Variants in L3MBTL4 observed in about 807,000 individuals in gnomAD.
The protein encoded by L3MBTL4 is lethal(3)malignant brain tumor-like protein 4.
In L3MBTL4, 70 loss-of-function variants were observed where a neutral mutation model predicts 84.5. The ratio of observed to expected loss-of-function variants is 0.83; its 90% CI spans 0.68 to 1.01. L3MBTL4 has a LOEUF of 1.01. Ranked by LOEUF, L3MBTL4 falls within the 50% of genes least tolerant of loss-of-function variation. The pLI is 0.00. For missense variants in L3MBTL4, 715 were observed against 754.8 expected (o/e 0.95, Z 0.62); for synonymous variants, 274 against 259.8 (o/e 1.05, Z -0.52).
At chr18:5,986,176 C>T (rs1213511900) in intron 16 of L3MBTL4, among the ~76,000 whole-genome samples, 1 of 152,196 alleles carries the variant, frequency 6.6e-6, no homozygotes, top group East Asian at 1.9e-4. Flanking sequence ...AGTCTCCTAA[C>T]AAGTGAGCAT....
chr18:6,330,429 G>A (rs343256), intron 1 of L3MBTL4, among the ~76,000 whole-genome samples: 7,289 of 152,234 alleles, frequency 0.048, 201 homozygotes, highest in East Asian at 0.11. Context: ...TCCTTGGCTC[G>A]TGACCCCTTC....
At chr18:5,979,265 C>T (rs190908733) in intron 16 of L3MBTL4, among the ~76,000 whole-genome samples, 51 of 152,274 alleles carry the variant, frequency 3.3e-4, no homozygotes, top group African/African-American at 1.2e-3. Flanking sequence ...TCAACTTGAA[C>T]AGAGAGACCC....
chr18:6,127,877 CCAGCAG>C (rs1269742704), intron 14 of L3MBTL4, among the ~76,000 whole-genome samples: 2 of 152,070 alleles, frequency 1.3e-5, no homozygotes, highest in African/African-American at 4.8e-5. Flanking sequence ...TTGATGGGCT[CCAGCAG>C]TGCACACAAA....
chr18:6,301,685 G>T (rs1166964208), intron 4 of L3MBTL4, among the ~76,000 whole-genome samples: 2 of 152,170 alleles, frequency 1.3e-5, no homozygotes, highest in African/African-American at 4.8e-5. Context: ...GCAAATAAAT[G>T]AGATAACAAG....
intron 16 of L3MBTL4, among the ~76,000 whole-genome samples, chr18:6,009,636 A>G (rs79468163): frequency 0.012 from 1,842 of 152,300 alleles, 32 homozygotes; most frequent in African/African-American, 0.043. Flanking sequence ...GTATACCTGT[A>G]ATCATCTCTA....
At chr18:6,267,382 G>A (rs934581739) in intron 4 of L3MBTL4, among the ~76,000 whole-genome samples, 4 of 152,152 alleles carry the variant, frequency 2.6e-5, no homozygotes, top group African/African-American at 9.7e-5. Context: ...CCATCAAGGA[G>A]CTCACAGTCC....
Position 6,395,090 on chromosome 18 carries a change from A to C in L3MBTL4, c.-91+19711T>G, listed in dbSNP as rs2055214812. On this transcript the variant is annotated intron_variant, in intron 1 of 18. Coordinates refer to ENST00000317931, the MANE Select transcript of L3MBTL4 (RefSeq NM_001330559.2). ...GCAGTGGCTCACGCCTGTAATCCCA[A>C]CACTTTTAGAGGCAGGAGGATCACT... 2.0e-5 allele frequency: 3 copies of C among 152,268 alleles called. No homozygotes were observed. In the South Asian group the frequency reaches 6.2e-4, roughly 32 times the overall value. 9.4% of individuals were successfully genotyped at this position (152,268 alleles called of 1,614,324 possible). A position where few individuals can be genotyped will look rare whatever the true frequency, so the allele number is the denominator to read the frequency against.
At chr18:6,362,305 A>G (rs1424597943) in intron 1 of L3MBTL4, among the ~76,000 whole-genome samples, 2 of 151,890 alleles carry the variant, frequency 1.3e-5, no homozygotes. Flanking sequence ...AAAGAGGAAG[A>G]GGGAGGAAAG....
In L3MBTL4 at chr18:6,024,765, T is replaced by C. The variant is rs191353122; in HGVS notation, c.1445-55203A>G. ...GCAGAATGCTGCTTACAATGCTTCC[T>C]TTTTTTTCTAATTACTCAAATCAAT... On this transcript the variant is annotated intron_variant, in intron 16 of 18. Coordinates refer to ENST00000317931, the MANE Select transcript of L3MBTL4 (RefSeq NM_001330559.2). 3.1e-3 allele frequency among the ~76,000 whole-genome samples: 472 copies of C among 152,210 alleles called. 1 individual carries two copies. Among genetic ancestry groups the C allele is most frequent in the African/African-American group, 0.011 (456 of 41,514 alleles).
At chr18:6,374,557 G>T (rs1305967658) in intron 1 of L3MBTL4, 3 of 154,716 alleles carry the variant, frequency 1.9e-5, no homozygotes, top group African/African-American at 7.2e-5. Flanking sequence ...TACAAATAAA[G>T]AAGCAAATGA....
chr18:6,209,104 C>A (rs1332490814), intron 12 of L3MBTL4, among the ~76,000 whole-genome samples: 1 of 152,150 alleles, frequency 6.6e-6, no homozygotes, highest in Non-Finnish European at 1.5e-5. Context: ...AGAATACTGG[C>A]TTCTGAATAG....
Position 6,222,673 on chromosome 18 carries a change from A to G in L3MBTL4, c.785-6838T>C, listed in dbSNP as rs544195229. ...CTGAGTGACACTCTATTACAGACCT[A>G]GCAATCCTCACGTTATATCTTTATT... On this transcript the variant is annotated intron_variant, in intron 10 of 18. Coordinates refer to ENST00000317931, the MANE Select transcript of L3MBTL4 (RefSeq NM_001330559.2). 6.0e-4 allele frequency among the ~76,000 whole-genome samples: 92 copies of G among 152,276 alleles called. 1 individual carries two copies. Among genetic ancestry groups the G allele is most frequent in the Admixed American group, 3.9e-4 (6 of 15,284 alleles).
At chr18:5,990,932 A>G (rs565020270) in intron 16 of L3MBTL4, among the ~76,000 whole-genome samples, 17 of 151,950 alleles carry the variant, frequency 1.1e-4, no homozygotes, top group Admixed American at 4.6e-4. Flanking sequence ...TTGGAATATC[A>G]TTTTCTTCCT....
intron 16 of L3MBTL4, among the ~76,000 whole-genome samples, chr18:6,068,561 A>C (rs1433160181): frequency 6.6e-6 from 1 of 152,138 alleles, no homozygotes; most frequent in East Asian, 1.9e-4. Context: ...CCAAGTAGAG[A>C]GGAGTTGTGA....
intron 1 of L3MBTL4, among the ~76,000 whole-genome samples, chr18:6,399,436 A>C (rs998298411): frequency 6.6e-6 from 1 of 151,350 alleles, no homozygotes; most frequent in Non-Finnish European, 1.5e-5. Context: ...ACTCCATCAC[A>C]AAAAAAAGAA....
chr18:6,303,987 G>A (rs1429013344), intron 3 of L3MBTL4, among the ~76,000 whole-genome samples: 6 of 146,538 alleles, frequency 4.1e-5, no homozygotes, highest in Non-Finnish European at 8.9e-5. Flanking sequence ...GCACTCCAGC[G>A]TGGGCAACAA....
chr18:6,356,689 A>T (rs1418669622), intron 1 of L3MBTL4: 1 of 152,228 alleles, frequency 6.6e-6, no homozygotes, highest in African/African-American at 2.4e-5. Context: ...CTTACCATGA[A>T]TGGAGCTTGC....
At chr18:6,162,157 G>C (rs1213823093) in intron 13 of L3MBTL4, among the ~76,000 whole-genome samples, 2 of 151,582 alleles carry the variant, frequency 1.3e-5, no homozygotes, top group African/African-American at 2.4e-5. Context: ...TAATATCACT[G>C]GTAGACAACC....
chr18:6,260,061 C>T (rs1021634748), intron 5 of L3MBTL4: 4 of 152,112 alleles, frequency 2.6e-5, no homozygotes, highest in African/African-American at 9.7e-5. Flanking sequence ...TTCCCCATTG[C>T]TTTTTTTCTG....
Sources: gnomAD v4.1 joint callset for allele counts (sites outside exome capture counted in the v4.1 genomes callset) on GRCh38, gnomAD v4.1.1 for gene constraint, MANE v1.5 for transcripts, NCBI Gene and HGNC (gene_info 2026-07-23, HGNC 2026-07-21) for gene names.